Variants in MAGI2 observed in about 807,000 individuals in gnomAD.
The protein encoded by MAGI2 is membrane-associated guanylate kinase, WW and PDZ domain-containing protein 2.
Under a neutral mutation model 133.3 loss-of-function variants are expected in MAGI2, and 35 were observed. The observed-to-expected ratio is 0.26, with a 90% CI of 0.20 to 0.35. The LOEUF is 0.35. Among genes scored for constraint, MAGI2 ranks in the 10% least tolerant of loss-of-function variants. The pLI is 1.00. For synonymous variants in MAGI2, 729 were observed against 710.6 expected, an observed-to-expected ratio of 1.03 and a Z score of -0.41; for missense variants, 1,636 against 1,863.4, an observed-to-expected ratio of 0.88 and a Z score of 2.25.
At chr7:78,487,443 T>G (rs1167430437) in intron 6 of MAGI2, 1 of 153,750 alleles carries the variant, frequency 6.5e-6, no homozygotes, top group African/African-American at 2.4e-5. Context: ...AATTCTGATG[T>G]CCATACATAA....
intron 4 of MAGI2, among the ~76,000 whole-genome samples, chr7:78,506,804 G>A (rs73376210): frequency 0.04 from 6,041 of 152,188 alleles, 292 homozygotes; most frequent in African/African-American, 0.11. Context: ...ATGAATGAAA[G>A]GAAAATACAG....
chr7:78,278,236 G>C (rs934071754), intron 9 of MAGI2, among the ~76,000 whole-genome samples: 1 of 152,114 alleles, frequency 6.6e-6, no homozygotes, highest in African/African-American at 2.4e-5. Context: ...CCCTGATACA[G>C]AGTACCATTA....
At chr7:78,376,550 G>T (rs1344887128) in intron 6 of MAGI2, among the ~76,000 whole-genome samples, 1 of 151,988 alleles carries the variant, frequency 6.6e-6, no homozygotes, top group Non-Finnish European at 1.5e-5. Context: ...TTTATGGGCT[G>T]GTTGTTGATG....
chr7:78,084,733 A>C (rs757574584), intron 20 of MAGI2, among the ~76,000 whole-genome samples: 30 of 152,206 alleles, frequency 2.0e-4, no homozygotes, highest in Non-Finnish European at 4.0e-4. Context: ...AAAAGTCAGA[A>C]TTAGGGTCTT....
At chr7:79,306,837 T>C (rs1011754219) in intron 1 of MAGI2, among the ~76,000 whole-genome samples, 1 of 151,508 alleles carries the variant, frequency 6.6e-6, no homozygotes, top group Non-Finnish European at 1.5e-5. Context: ...TTTTTTGAGA[T>C]GGAGTCTAGC....
chr7:78,700,438 GTTCT>G (rs1817949677), intron 2 of MAGI2, among the ~76,000 whole-genome samples: 2 of 152,004 alleles, frequency 1.3e-5, no homozygotes, highest in South Asian at 2.1e-4. Flanking sequence ...CTAAAACTAA[GTTCT>G]TTATTTTTCA....
chr7:78,994,404 T>C (rs1191510694), intron 2 of MAGI2, among the ~76,000 whole-genome samples: 1 of 152,130 alleles, frequency 6.6e-6, no homozygotes, highest in Admixed American at 6.6e-5. Context: ...GTGGTGCTTC[T>C]GAAGAGCAGT....
At chr7:79,104,544 G>A (rs1818277875) in intron 1 of MAGI2, among the ~76,000 whole-genome samples, 1 of 152,042 alleles carries the variant, frequency 6.6e-6, no homozygotes, top group Non-Finnish European at 1.5e-5. Context: ...GGACGCGCCT[G>A]TAGTCCCAGC....
At chr7:79,432,856 T>G (rs1409657133) in intron 1 of MAGI2, among the ~76,000 whole-genome samples, 3 of 152,216 alleles carry the variant, frequency 2.0e-5, no homozygotes, top group Non-Finnish European at 4.4e-5. Flanking sequence ...AGCATCTGGA[T>G]GCCTGACATA....
At chr7:78,895,629 T>C (rs1354404252) in intron 2 of MAGI2, among the ~76,000 whole-genome samples, 1 of 152,146 alleles carries the variant, frequency 6.6e-6, no homozygotes, top group Non-Finnish European at 1.5e-5. Context: ...CTAGGGAATG[T>C]GTGCAGGCAA....
rs940636262 is a variant in MAGI2, at chr7:79,180,896, A to C, written c.302-173690T>G. On this transcript the variant is annotated intron_variant, in intron 1 of 21. Transcript: ENST00000354212. Reference sequence around the variant, plus strand: ...AACAAAAGGGGTACAGGCCCCACGCAAGTCCAAAATCTAGCAGGGCTGTCA... The same window carrying C: ...AACAAAAGGGGTACAGGCCCCACGCCAGTCCAAAATCTAGCAGGGCTGTCA... Among the ~76,000 whole-genome samples the C allele has an allele frequency of 2.4e-4, 36 of 152,046 alleles. 1 individual carries two copies. Among genetic ancestry groups the C allele is most frequent in the African/African-American group, 8.7e-4 (36 of 41,424 alleles).
chr7:78,654,988 C>A (rs117154071), intron 2 of MAGI2, among the ~76,000 whole-genome samples: 579 of 151,650 alleles, frequency 3.8e-3, no homozygotes, highest in Middle Eastern at 6.8e-3. Context: ...TAGCCACACC[C>A]ATAAAAATGC....
intron 1 of MAGI2, among the ~76,000 whole-genome samples, chr7:79,082,907 A>G (rs907423835): frequency 6.6e-6 from 1 of 151,662 alleles, no homozygotes; most frequent in Non-Finnish European, 1.5e-5. Context: ...TGTTTTGTAC[A>G]TTTTGGTTAA....
At chr7:78,405,460 A>G (rs1562952004) in intron 6 of MAGI2, among the ~76,000 whole-genome samples, 1 of 152,072 alleles carries the variant, frequency 6.6e-6, no homozygotes, top group Non-Finnish European at 1.5e-5. Context: ...TTCAGAACTC[A>G]CCCAAGAATA....
chr7:79,295,326 G>A (rs532657737), intron 1 of MAGI2, among the ~76,000 whole-genome samples: 1 of 152,018 alleles, frequency 6.6e-6, no homozygotes, highest in African/African-American at 2.4e-5. Context: ...GACAAAGATT[G>A]CAGAATACAT....
intron 2 of MAGI2, among the ~76,000 whole-genome samples, chr7:78,924,253 G>A (rs1009984842): frequency 8.5e-5 from 13 of 152,114 alleles, no homozygotes; most frequent in African/African-American, 2.9e-4. Context: ...TGGTGAGAGA[G>A]GGCAACCCTG....
chr7:78,867,247 T>A (rs2151513331), intron 2 of MAGI2, among the ~76,000 whole-genome samples: 1 of 151,560 alleles, frequency 6.6e-6, no homozygotes, highest in South Asian at 2.1e-4. Context: ...ACACGTATGT[T>A]TATTGCGGCA....
At chr7:78,028,112 C>G (rs1809142266) in intron 21 of MAGI2, among the ~76,000 whole-genome samples, 1 of 152,236 alleles carries the variant, frequency 6.6e-6, no homozygotes, top group Non-Finnish European at 1.5e-5. Flanking sequence ...TCAGCCATCA[C>G]TAAGGTGATT....
At chr7:79,305,058 T>C (rs17152210) in intron 1 of MAGI2, among the ~76,000 whole-genome samples, 3,314 of 152,126 alleles carry the variant, frequency 0.022, 137 homozygotes, top group African/African-American at 0.075. Flanking sequence ...AAAATACAGA[T>C]GAGGAAATGT....
Sources: gnomAD v4.1 joint callset for allele counts (sites outside exome capture counted in the v4.1 genomes callset) on GRCh38, gnomAD v4.1.1 for gene constraint, MANE v1.5 for transcripts, NCBI Gene and HGNC (gene_info 2026-07-23, HGNC 2026-07-21) for gene names.